Variants in ZFHX3 observed in about 807,000 individuals in gnomAD.
The protein encoded by ZFHX3 is zinc finger homeobox 3.
Under a neutral mutation model 279.1 loss-of-function variants are expected in ZFHX3, and 42 were observed. That is an observed-to-expected ratio of 0.15 (90% CI 0.12 to 0.19). The LOEUF (loss-of-function observed/expected upper bound fraction) is 0.19, where lower values mean the gene tolerates loss of function less well. Among genes scored for constraint, ZFHX3 ranks in the 10% least tolerant of loss-of-function variants. The pLI is 1.00. For synonymous variants in ZFHX3, 2,293 were observed against 1,957.8 expected, an observed-to-expected ratio of 1.17 and a Z score of -4.52; for missense variants, 4,981 against 4,754.0, an observed-to-expected ratio of 1.05 and a Z score of -1.40.
chr16:73,472,485 T>C (rs1265196746), intron 2 of ZFHX3, among the ~76,000 whole-genome samples: 1 of 152,188 alleles, frequency 6.6e-6, no homozygotes, highest in Non-Finnish European at 1.5e-5. Context: ...GAGAGAATTT[T>C]CTACTTCACC....
intron 5 of ZFHX3, among the ~76,000 whole-genome samples, chr16:73,159,646 G>A (rs1465428820): frequency 2.0e-5 from 3 of 152,182 alleles, no homozygotes; most frequent in African/African-American, 7.2e-5. Flanking sequence ...AGAATTGTGA[G>A]AAATAATTGA....
At chr16:73,299,527 C>T (rs1467791915) in intron 4 of ZFHX3, among the ~76,000 whole-genome samples, 1 of 152,120 alleles carries the variant, frequency 6.6e-6, no homozygotes, top group African/African-American at 2.4e-5. Context: ...ATTGTATCAC[C>T]TAATGAATGT....
At chr16:73,242,352 A>AC (rs935005665) in intron 5 of ZFHX3, among the ~76,000 whole-genome samples, 8 of 151,992 alleles carry the variant, frequency 5.3e-5, no homozygotes, top group African/African-American at 1.9e-4. Context: ...ACTGTCTGCC[A>AC]CCCCCACACC....
In ZFHX3 at chr16:72,798,118, T is replaced by C; in HGVS notation, c.4564A>G (p.Lys1522Glu). ...CCTTTTCTGAAAGGCAGAGCTCTCTTTGGCTCTGAGCCCGAGTCTTCTTGT... is the reference window on the plus strand; with the variant it reads ...CCTTTTCTGAAAGGCAGAGCTCTCTCTGGCTCTGAGCCCGAGTCTTCTTGT... ...SVQEDSGSEP[K>E]RALPFRKGPN... Residue 1522 changes from lysine to glutamate, a missense_variant, in exon 9 of 10, where the codon AAG (lysine) becomes GAG (glutamate). Coordinates refer to ENST00000268489, the MANE Select transcript of ZFHX3 (RefSeq NM_006885.4). The C allele has an allele frequency of 6.2e-7, 1 of 1,614,250 alleles. No individual in the cohort carries two copies. Among genetic ancestry groups the C allele is most frequent in the Non-Finnish European group, 8.5e-7 (1 of 1,180,034 alleles).
intron 1 of ZFHX3, among the ~76,000 whole-genome samples, chr16:72,969,610 C>T (rs933266936): frequency 1.3e-5 from 2 of 152,032 alleles, no homozygotes; most frequent in Admixed American, 1.3e-4. Flanking sequence ...AAGCAACTAT[C>T]CCCTCACTAA....
intron 8 of ZFHX3, among the ~76,000 whole-genome samples, chr16:73,082,214 C>T (rs1282880880): frequency 6.6e-6 from 1 of 152,014 alleles, no homozygotes; most frequent in Non-Finnish European, 1.5e-5. Flanking sequence ...CTCAAAATAT[C>T]TCATGGTAAC....
At chr16:73,407,889 A>C (rs1239062991) in intron 3 of ZFHX3, among the ~76,000 whole-genome samples, 2 of 152,138 alleles carry the variant, frequency 1.3e-5, no homozygotes, top group East Asian at 3.8e-4. Context: ...TTTTATGGCA[A>C]AATGCTGGCT....
chr16:72,867,814 C>G (rs1344508588), intron 4 of ZFHX3, among the ~76,000 whole-genome samples: 1 of 152,094 alleles, frequency 6.6e-6, no homozygotes, highest in East Asian at 1.9e-4. Context: ...AATGATGCCT[C>G]TGGTCACTGC....
At chr16:73,423,169 G>C (rs192435457) in intron 3 of ZFHX3, among the ~76,000 whole-genome samples, 109 of 152,098 alleles carry the variant, frequency 7.2e-4, no homozygotes, top group African/African-American at 2.5e-3. Context: ...ATGATTTTTT[G>C]CAGGGGCTGG....
At chr16:73,131,430 T>C (rs1966678204) in intron 6 of ZFHX3, among the ~76,000 whole-genome samples, 1 of 152,238 alleles carries the variant, frequency 6.6e-6, no homozygotes, top group Non-Finnish European at 1.5e-5. Flanking sequence ...AAAATGTAAC[T>C]TGTCCAAGGT....
At chr16:73,185,076 C>G (rs1363547658) in intron 5 of ZFHX3, among the ~76,000 whole-genome samples, 1 of 151,782 alleles carries the variant, frequency 6.6e-6, no homozygotes, top group Non-Finnish European at 1.5e-5. Flanking sequence ...TTCCTATGCT[C>G]AAGTGATCCT....
At chr16:73,404,384 A>G (rs1298049721) in intron 3 of ZFHX3, among the ~76,000 whole-genome samples, 2 of 152,208 alleles carry the variant, frequency 1.3e-5, no homozygotes, top group Non-Finnish European at 2.9e-5. Flanking sequence ...TGCTTTTTCT[A>G]CTTCCTAAAA....
At chr16:73,790,798 A>T (rs1959802153) in intron 1 of ZFHX3, among the ~76,000 whole-genome samples, 1 of 152,228 alleles carries the variant, frequency 6.6e-6, no homozygotes, top group South Asian at 2.1e-4. Flanking sequence ...TGCTCAGCAG[A>T]AATTACAAAG....
chr16:73,096,305 A>T (rs1966162673), intron 7 of ZFHX3, among the ~76,000 whole-genome samples: 2 of 149,826 alleles, frequency 1.3e-5, no homozygotes, highest in African/African-American at 4.9e-5. Flanking sequence ...AGCTCAGGGG[A>T]TCTCCCTCCA....
intron 2 of ZFHX3, among the ~76,000 whole-genome samples, chr16:73,614,508 C>T (rs576066716): frequency 5.9e-5 from 9 of 152,230 alleles, no homozygotes; most frequent in Admixed American, 3.9e-4. Context: ...AAAGATTCCA[C>T]GGGCACTATA....
chr16:73,466,510 C>T (rs988437247), intron 2 of ZFHX3, among the ~76,000 whole-genome samples: 1 of 152,138 alleles, frequency 6.6e-6, no homozygotes, highest in Non-Finnish European at 1.5e-5. Context: ...ACCACCAAAA[C>T]CCCACATCTA....
At chr16:72,895,279 G>C (rs2038872336) in intron 3 of ZFHX3, among the ~76,000 whole-genome samples, 2 of 152,250 alleles carry the variant, frequency 1.3e-5, no homozygotes, top group South Asian at 2.1e-4. Flanking sequence ...ACTGTTTTGA[G>C]AATATACTTC....
chr16:72,795,367 G>C lies in ZFHX3; in HGVS notation c.7315C>G (p.Gln2439Glu). 1 of 1,614,146 alleles carries C rather than the reference G, an allele frequency of 6.2e-7. No homozygotes were observed. Among genetic ancestry groups the C allele is most frequent in the Non-Finnish European group, 8.5e-7 (1 of 1,180,022 alleles). ...KPKLAEAPSA[Q>E]PNQTQEKQGQ... ...TGCTTTTCTTGGGTTTGGTTTGGCTGTGCACTGGGAGCTTCCGCCAGCTTT... is the reference window on the plus strand; with the variant it reads ...TGCTTTTCTTGGGTTTGGTTTGGCTCTGCACTGGGAGCTTCCGCCAGCTTT... The change falls in exon 9 of 10, where the codon CAG (glutamine) becomes GAG (glutamate). Residue 2439 changes from glutamine to glutamate, a missense_variant. This residue lies in a region of ZFHX3 where 744 missense variants were observed against 701.3 expected (regional missense o/e 1.06). Coordinates refer to ENST00000268489, the MANE Select transcript of ZFHX3 (RefSeq NM_006885.4).
chr16:73,592,318 A>G (rs978305874), intron 2 of ZFHX3, among the ~76,000 whole-genome samples: 5 of 152,206 alleles, frequency 3.3e-5, no homozygotes, highest in Non-Finnish European at 7.3e-5. Context: ...TTGCAAATAA[A>G]AACATGTACA....
Sources: allele counts gnomAD v4.1 joint callset (sites outside exome capture counted in the v4.1 genomes callset), GRCh38; gene constraint gnomAD v4.1.1; regional missense constraint gnomAD v4.1.1; transcripts MANE v1.5; gene names NCBI Gene and HGNC (gene_info 2026-07-23, HGNC 2026-07-21).